The following TSHZ2 variants were observed in gnomAD, a reference collection of about 807,000 sequenced individuals.
The protein encoded by TSHZ2 is teashirt homolog 2.
In TSHZ2, 21 loss-of-function variants were observed where a neutral mutation model predicts 74.4. The observed-to-expected ratio is 0.28, with a 90% confidence interval of 0.20 to 0.41. The LOEUF is 0.41. Ranked by LOEUF, TSHZ2 falls within the 10% of genes least tolerant of loss-of-function variation. The pLI is 1.00. For missense variants in TSHZ2, 1,244 were observed against 1,293.5 expected (o/e 0.96, Z 0.59); for synonymous variants, 540 against 515.3 (o/e 1.05, Z -0.65).
chr20:53,349,918 G>C (rs144759319), intron 2 of TSHZ2, among the ~76,000 whole-genome samples: 239 of 152,278 alleles, frequency 1.6e-3, no homozygotes, highest in Middle Eastern at 3.4e-3. Context: ...AGCAGAATTG[G>C]TTCCTTCTGG....
In TSHZ2 at chr20:52,985,815, A is replaced by G. The variant is rs575896417; in HGVS notation, c.40+12482A>G. On this transcript the variant is annotated intron_variant, in intron 1 of 2. Coordinates refer to ENST00000371497, the MANE Select transcript of TSHZ2 (RefSeq NM_173485.6). ...AGGTTAGAGAGCACTGACTCAAACC[A>G]TCGTCTCCAATTATGCAGTTTTAAT... Among the ~76,000 whole-genome samples the G allele has an allele frequency of 3.3e-5, 5 of 152,320 alleles. No individual in the cohort carries two copies. In the South Asian group the frequency reaches 1.0e-3, roughly 32 times the overall value.
intron 2 of TSHZ2, among the ~76,000 whole-genome samples, chr20:53,270,910 A>G (rs911657655): frequency 6.6e-6 from 1 of 152,050 alleles, no homozygotes; most frequent in Non-Finnish European, 1.5e-5. Context: ...ATTGTTTATG[A>G]CTACCCCCTC....
At chr20:52,986,177 G>T (rs111279837) in intron 1 of TSHZ2, among the ~76,000 whole-genome samples, 3,162 of 151,938 alleles carry the variant, frequency 0.021, 134 homozygotes, top group African/African-American at 0.072. Context: ...GGATCACGAG[G>T]TTGGGAGTTC....
rs528297023 is a variant in TSHZ2 at position 53,389,365 on chromosome 20, G to A, written c.*9-97779G>A. On this transcript the variant is annotated intron_variant, in intron 2 of 2. Transcript: ENST00000371497. The stretch of plus-strand genomic sequence containing the variant: ...CGGACTCGAAGCTCAACTCCTACAC[G>A]ATTGTGTCTCTATTGCTTGTTGAAA... 6.6e-5 allele frequency among the ~76,000 whole-genome samples: 10 copies of A among 152,344 alleles called. No homozygotes were observed. In the South Asian group the frequency reaches 1.7e-3, roughly 25 times the overall value.
At chr20:53,320,119 A>G (rs946018303) in intron 2 of TSHZ2, among the ~76,000 whole-genome samples, 12 of 152,178 alleles carry the variant, frequency 7.9e-5, no homozygotes, top group Non-Finnish European at 1.5e-5. Flanking sequence ...TATCATCGTT[A>G]CGGTCATTAT....
At chr20:53,384,138 C>A (rs1481218022) in intron 2 of TSHZ2, among the ~76,000 whole-genome samples, 1 of 152,136 alleles carries the variant, frequency 6.6e-6, no homozygotes, top group East Asian at 1.9e-4. Context: ...TGAGAGCCGA[C>A]CAGATTTCCC....
At chr20:53,143,923 G>A (rs925796921) in intron 1 of TSHZ2, among the ~76,000 whole-genome samples, 2 of 152,104 alleles carry the variant, frequency 1.3e-5, no homozygotes, top group Non-Finnish European at 2.9e-5. Flanking sequence ...AAAACTCAGG[G>A]ATTGGAGTTT....
intron 2 of TSHZ2, among the ~76,000 whole-genome samples, chr20:53,348,375 G>A (rs1457830714): frequency 1.3e-5 from 2 of 152,178 alleles, no homozygotes; most frequent in African/African-American, 2.4e-5. Flanking sequence ...CCTCAGTAGT[G>A]AAAATACTGC....
chr20:53,391,478 TG>T (rs1013019664), intron 2 of TSHZ2, among the ~76,000 whole-genome samples: 5 of 151,222 alleles, frequency 3.3e-5, no homozygotes, highest in East Asian at 3.9e-4. Flanking sequence ...TTTTTGTTTT[TG>T]TTTTTTTTTT....
intron 1 of TSHZ2, among the ~76,000 whole-genome samples, chr20:53,008,221 G>T (rs1982717056): frequency 6.6e-6 from 1 of 152,190 alleles, no homozygotes; most frequent in Non-Finnish European, 1.5e-5. Flanking sequence ...ACACTGGATG[G>T]AAAGAGGAGA....
chr20:53,277,902 G>C (rs533388992), intron 2 of TSHZ2, among the ~76,000 whole-genome samples: 1 of 152,244 alleles, frequency 6.6e-6, no homozygotes, highest in African/African-American at 2.4e-5. Context: ...TGTTGCTTGG[G>C]GAAGAATGAC....
At chr20:53,319,231 A>T (rs544297507) in intron 2 of TSHZ2, among the ~76,000 whole-genome samples, 2 of 152,342 alleles carry the variant, frequency 1.3e-5, no homozygotes, top group East Asian at 3.9e-4. Context: ...GTACAGTTGT[A>T]AAAAAGCCAA....
intron 1 of TSHZ2, among the ~76,000 whole-genome samples, chr20:53,046,432 G>C (rs758117937): frequency 1.3e-5 from 2 of 152,022 alleles, no homozygotes; most frequent in African/African-American, 4.8e-5. Context: ...TTTTTATCTT[G>C]CCCTGCAGGC....
intron 1 of TSHZ2, among the ~76,000 whole-genome samples, chr20:53,209,434 T>A (rs1989249132): frequency 6.6e-6 from 1 of 152,202 alleles, no homozygotes; most frequent in Non-Finnish European, 1.5e-5. Flanking sequence ...AGTACTCTAC[T>A]GTGCAGTGCA....
At chr20:53,447,060 A>G (rs1984580720) in intron 2 of TSHZ2, among the ~76,000 whole-genome samples, 1 of 152,168 alleles carries the variant, frequency 6.6e-6, no homozygotes, top group Non-Finnish European at 1.5e-5. Context: ...TTTTCACTCC[A>G]TCACCTTCCT....
At chr20:53,323,176 G>A (rs1979341030) in intron 2 of TSHZ2, among the ~76,000 whole-genome samples, 1 of 152,146 alleles carries the variant, frequency 6.6e-6, no homozygotes, top group Non-Finnish European at 1.5e-5. Flanking sequence ...GTGAGTCCAG[G>A]TGTGTTCTTG....
At chr20:53,017,884 A>G (rs549734154) in intron 1 of TSHZ2, among the ~76,000 whole-genome samples, 2 of 152,338 alleles carry the variant, frequency 1.3e-5, no homozygotes, top group African/African-American at 4.8e-5. Flanking sequence ...ACAATAGACT[A>G]TGTAACTTTC....
intron 2 of TSHZ2, among the ~76,000 whole-genome samples, chr20:53,266,251 A>G (rs1990714283): frequency 6.6e-6 from 1 of 152,210 alleles, no homozygotes; most frequent in African/African-American, 2.4e-5. Flanking sequence ...AGAAGTCAGG[A>G]GTAAAGAGAT....
chr20:53,082,202 G>A (rs1398936381), intron 1 of TSHZ2, among the ~76,000 whole-genome samples: 1 of 152,170 alleles, frequency 6.6e-6, no homozygotes, highest in Non-Finnish European at 1.5e-5. Flanking sequence ...ACAACTCTTT[G>A]AATGGTCTAT....
Sources: gnomAD v4.1 joint callset for allele counts (sites outside exome capture counted in the v4.1 genomes callset) on GRCh38, gnomAD v4.1.1 for gene constraint, MANE v1.5 for transcripts, NCBI Gene and HGNC (gene_info 2026-07-23, HGNC 2026-07-21) for gene names.